KCNK16: variants seen among roughly 807,000 people sequenced by gnomAD.
The protein encoded by KCNK16 is potassium two pore domain channel subfamily K member 16.
KCNK16 carries 23 observed loss-of-function variants against 23.0 expected under a neutral mutation model. The ratio of observed to expected loss-of-function variants is 1.00; its 90% confidence interval spans 0.72 to 1.41. The LOEUF (loss-of-function observed/expected upper bound fraction) is 1.41. KCNK16 is among the 40% of genes most tolerant of loss of function. KCNK16 has a pLI of 0.00. For missense variants in KCNK16, 327 were observed against 365.8 expected, an observed-to-expected ratio of 0.89 and a Z score of 0.87; for synonymous variants, 145 against 153.5, an observed-to-expected ratio of 0.94 and a Z score of 0.41.
chr6:39,316,726 C>T (rs1762332185), intron 4 of KCNK16, 56 bp downstream of exon 4: 1 of 1,571,854 alleles, frequency 6.4e-7, no homozygotes, highest in Non-Finnish European at 8.7e-7. Flanking sequence ...TCTCTCCATC[C>T]CCCAAATCCC....
intron 3 of KCNK16, among the ~76,000 whole-genome samples, 160 bp from the exon 4 acceptor site, chr6:39,317,107 A>C (rs1478401573): frequency 3.3e-5 from 5 of 152,204 alleles, no homozygotes; most frequent in African/African-American, 9.7e-5. Flanking sequence ...CTATGTGTGC[A>C]TGACCTTGTC....
At chr6:39,322,045 G>A (rs1224226691) in intron 1 of KCNK16, among the ~76,000 whole-genome samples, 1 of 152,226 alleles carries the variant, frequency 6.6e-6, no homozygotes, top group African/African-American at 2.4e-5. Context: ...TTAATCTGCT[G>A]TCAAATGTCT....
rs1294149047 is a variant in KCNK16 at position 39,316,372 on chromosome 6, C to T, written c.732G>A (p.Leu244=). 1.9e-6 allele frequency: 3 copies of T among 1,612,884 alleles called. No homozygotes were observed. Among genetic ancestry groups the T allele is most frequent in the Middle Eastern group, 1.7e-4 (1 of 6,056 alleles). ...SLAAIWILLG[L]AWLALILPLG... is the part of the protein sequence containing the mutation. The stretch of plus-strand genomic sequence containing the variant: ...GTGGGAGGATCAGCGCCAGCCACGC[C>T]AGGCCCAGGAGGATCCAGATGGCTG... The change falls in exon 5 of 5, where the codon CTG becomes CTA. Residue 244 remains leucine (L), a synonymous_variant. Transcript: ENST00000437525.
Position 39,317,893 on chromosome 6 carries a change from G to C in KCNK16, c.388C>G (p.Leu130Val), listed in dbSNP as rs774420414. 6.2e-7 allele frequency: 1 copy of C among 1,613,784 alleles called. No individual in the cohort carries two copies. The change falls in exon 3 of 5, where the codon CTG becomes GTG. Residue 130 changes from leucine (L) to valine (V), a missense_variant. Coordinates refer to ENST00000437525, the MANE Select transcript of KCNK16 (RefSeq NM_001135106.2). ...ATCACGTTAAGCGGGATGCCCAACA[G>C]GGCATAGAAGACACAGAAGACCTGA... ...AGQVFCVFYA[L>V]LGIPLNVIFL...
At position 39,317,840 on chromosome 6, in the gene KCNK16, C is replaced by T; in HGVS notation, c.441G>A (p.Leu147=). Residue 147 remains leucine (L), a synonymous_variant, in exon 3 of 5, where the codon CTG becomes CTA. Coordinates refer to ENST00000437525, the MANE Select transcript of KCNK16 (RefSeq NM_001135106.2). ...VIFLNHLGTG[L]RAHLAAIERW... ...TTTCAATGGCGGCCAGATGGGCACG[C>T]AGCCCTGTGCCCAGGTGGTTGAGGA... 2 of 1,612,810 alleles carry T rather than the reference C, an allele frequency of 1.2e-6. No individual in the cohort carries two copies. Among genetic ancestry groups the T allele is most frequent in the Middle Eastern group, 3.3e-4 (2 of 6,054 alleles).
At chr6:39,315,269 G>T (rs756973503), downstream of KCNK16, 4 of 1,589,688 alleles carry the variant, frequency 2.5e-6, no homozygotes, top group South Asian at 1.1e-5. Context: ...CAGGGGAAAG[G>T]CCAGACCTGG....
In KCNK16 at chr6:39,319,044, AAAG is replaced by A. The variant is rs1562090522; in HGVS notation, c.300_302del (p.Phe101del). On this transcript the variant is annotated inframe_deletion, in exon 2 of 5. Transcript: ENST00000437525. The surrounding 1 kb of genome is among the most constrained non-coding windows in gnomAD (Gnocchi z 4.2). Reference sequence around the variant, plus strand: ...CTATGGTAGTGACGACTGTGCCTGCAAAGAAGAAACTGCTGCCAAAGTCCCAGT... The same window carrying A: ...CTATGGTAGTGACGACTGTGCCTGCAAAGAAACTGCTGCCAAAGTCCCAGT... The A allele has an allele frequency of 1.2e-6, 2 of 1,613,856 alleles. No individual in the cohort carries two copies. Among genetic ancestry groups the A allele is most frequent in the Admixed American group, 1.7e-5 (1 of 60,020 alleles).
In KCNK16 at chr6:39,317,854, G is replaced by A. The variant is rs1315802737; in HGVS notation, c.427C>T (p.Leu143=). 1 of 1,613,786 alleles carries A rather than the reference G, an allele frequency of 6.2e-7. No homozygotes were observed. Among genetic ancestry groups the A allele is most frequent in the Non-Finnish European group, 8.5e-7 (1 of 1,179,882 alleles). The part of the protein sequence containing the change: ...IPLNVIFLNH[L]GTGLRAHLAA... The stretch of plus-strand genomic sequence containing the variant: ...AGATGGGCACGCAGCCCTGTGCCCA[G>A]GTGGTTGAGGAAGATCACGTTAAGC... The change falls in exon 3 of 5, where the codon CTG becomes TTG. Residue 143 remains leucine, a synonymous_variant. Transcript: ENST00000437525.
Position 39,322,580 on chromosome 6 carries a change from TG to T in KCNK16, c.-41del. On this transcript the variant is annotated 5_prime_UTR_variant, in exon 1 of 5. Coordinates refer to ENST00000437525, the MANE Select transcript of KCNK16 (RefSeq NM_001135106.2). ...CCTGCCAGGGCCGTGGGGCTGGCTA[TG>T]GGGGAGAGGTGGGAAACAGGTGAGG... is the stretch of plus-strand genomic sequence containing the variant. 1.3e-6 allele frequency: 2 copies of T among 1,542,940 alleles called. No homozygotes were observed. The highest frequency in any genetic ancestry group is 1.7e-6 in the Non-Finnish European group (2 of 1,148,686).
rs1197791147 is a variant in KCNK16, at chr6:39,322,681, G to T, written c.-141C>A. On this transcript the variant is annotated 5_prime_UTR_variant, in exon 1 of 5. Coordinates refer to ENST00000437525, the MANE Select transcript of KCNK16 (RefSeq NM_001135106.2). Reference sequence around the variant, plus strand: ...TCCTCGGCACAGGTGTCTGGAGGCTGGGGAGACTGTTTGAACAGTGCGGCT... The same window carrying T: ...TCCTCGGCACAGGTGTCTGGAGGCTTGGGAGACTGTTTGAACAGTGCGGCT... 39 of 1,326,712 alleles carry T rather than the reference G, an allele frequency of 2.9e-5. No homozygotes were observed. The highest frequency in any genetic ancestry group is 3.6e-5 in the Non-Finnish European group (36 of 997,292). The allele number at this position is 1,326,712 out of a possible 1,614,324, so 82.2% of individuals were successfully genotyped here. A position where few individuals can be genotyped will look rare whatever the true frequency, so the allele number is the denominator to read the frequency against.
chr6:39,319,076 T>A lies in KCNK16; in HGVS notation c.271A>T (p.Ser91Cys), dbSNP rs769725060. ...VNPKGNSTNPSNWDFGSSFFF... is the reference protein window; with the variant it reads ...VNPKGNSTNPCNWDFGSSFFF... ...AAACTGCTGCCAAAGTCCCAGTTGCTGGGGTTGGTAGAGTTGCCTTTGGGG... is the reference window on the plus strand; with the variant it reads ...AAACTGCTGCCAAAGTCCCAGTTGCAGGGGTTGGTAGAGTTGCCTTTGGGG... Residue 91 changes from serine (S) to cysteine (C), a missense_variant, in exon 2 of 5, where the codon AGC becomes TGC. Transcript: ENST00000437525. The surrounding 1 kb of genome is among the most constrained non-coding windows in gnomAD (Gnocchi z 4.2). The A allele has an allele frequency of 6.2e-7, 1 of 1,614,116 alleles. No homozygotes were observed. Among genetic ancestry groups the A allele is most frequent in the Non-Finnish European group, 8.5e-7 (1 of 1,180,006 alleles).
chr6:39,316,700 T>G (rs1762331648), intron 4 of KCNK16, 82 bp downstream of exon 4: 2 of 1,482,836 alleles, frequency 1.3e-6, no homozygotes, highest in South Asian at 1.3e-5. Flanking sequence ...TCCTCAATAG[T>G]TGTCCTCAGC....
chr6:39,321,382 AC>A (rs1303108756), intron 1 of KCNK16, among the ~76,000 whole-genome samples: 16 of 152,156 alleles, frequency 1.1e-4, no homozygotes, highest in Non-Finnish European at 1.9e-4. Flanking sequence ...AACATATTCT[AC>A]CTCAGTTCCC....
chr6:39,322,949 G>A (rs1055559829), upstream of KCNK16: 11 of 181,158 alleles, frequency 6.1e-5, no homozygotes, highest in Non-Finnish European at 1.2e-4. Flanking sequence ...CGCCCCCAGC[G>A]TCTTCACCCT....
Position 39,321,390 on chromosome 6 carries a change from T to A in KCNK16, c.213+938A>T, listed in dbSNP as rs1402283439. 2.6e-5 allele frequency among the ~76,000 whole-genome samples: 4 copies of A among 152,186 alleles called. No homozygotes were observed. The East Asian group carries it at 7.7e-4, about 29-fold the overall frequency. The stretch of plus-strand genomic sequence containing the variant: ...CTTGGTCAACATATTCTACCTCAGT[T>A]CCCATCTACAAAGTGGAGATAGGGA... On this transcript the variant is annotated intron_variant, in intron 1 of 4. Transcript: ENST00000437525.
chr6:39,317,815 T>C lies in KCNK16; in HGVS notation c.466A>G (p.Arg156Gly), dbSNP rs1436906419. The C allele has an allele frequency of 6.2e-7, 1 of 1,610,190 alleles. No individual in the cohort carries two copies. The highest frequency in any genetic ancestry group is 2.2e-5 in the East Asian group (1 of 44,754). ...GAGCGCCTGGGACGGTCCTCCCATC[T>C]TTCAATGGCGGCCAGATGGGCACGC... ...GLRAHLAAIERWEDRPRRSQV... is the reference protein window; with the variant it reads ...GLRAHLAAIEGWEDRPRRSQV... Residue 156 changes from arginine (R) to glycine (G), a missense_variant, in exon 3 of 5, where the codon AGA becomes GGA. By Grantham distance (125) the Arg-to-Gly change is moderately radical (BLOSUM62 -2). Transcript: ENST00000437525.
intron 2 of KCNK16, among the ~76,000 whole-genome samples, chr6:39,318,587 G>A (rs1562090154): frequency 6.6e-6 from 1 of 152,064 alleles, no homozygotes; most frequent in Non-Finnish European, 1.5e-5. Flanking sequence ...ATCAACCCCC[G>A]CTCCCAGTTT....
chr6:39,318,175 C>T (rs979396856), intron 2 of KCNK16, among the ~76,000 whole-genome samples: 3 of 152,268 alleles, frequency 2.0e-5, no homozygotes, highest in African/African-American at 7.2e-5. Context: ...GCCCTCCTGA[C>T]TGCCGATTTC....
At chr6:39,318,972 C>G (rs368799549) in intron 2 of KCNK16, 47 bp downstream of exon 2, 584 of 1,366,248 alleles carry the variant, frequency 4.3e-4, no homozygotes, top group Non-Finnish European at 5.9e-4. Context: ...GGAGCCCAAA[C>G]TAAGACAGGG....
Sources: gnomAD v4.1 joint callset for allele counts (sites outside exome capture counted in the v4.1 genomes callset) on GRCh38, gnomAD v4.1.1 for gene constraint, Gnocchi (gnomAD v3.1) non-coding constraint, MANE v1.5 for transcripts, NCBI Gene and HGNC (gene_info 2026-07-23, HGNC 2026-07-21) for gene names.